Variants in LRRFIP1 observed in about 807,000 individuals in gnomAD.
LRRFIP1 encodes the protein leucine-rich repeat flightless-interacting protein 1.
In LRRFIP1, 62 loss-of-function variants were observed where a neutral mutation model predicts 104.4. The observed-to-expected ratio is 0.59, with a 90% CI of 0.48 to 0.73. LRRFIP1 has a LOEUF of 0.73. LRRFIP1 is among the 30% of genes least tolerant of loss of function. LRRFIP1 has a pLI of 0.00. For missense variants in LRRFIP1, 796 were observed against 824.5 expected (o/e 0.97, Z 0.42); for synonymous variants, 300 against 299.0 (o/e 1.00, Z -0.03).
intron 1 of LRRFIP1, among the ~76,000 whole-genome samples, chr2:237,627,980 G>T (rs1159160405): frequency 6.6e-6 from 1 of 151,074 alleles, no homozygotes; most frequent in African/African-American, 2.4e-5. Context: ...CCCAGCCCGC[G>T]ACGCTGCGCG....
At chr2:237,729,924 C>T in intron 8 of LRRFIP1, 1 of 609,324 alleles carries the variant, frequency 1.6e-6, no homozygotes, top group Non-Finnish European at 2.1e-6. Context: ...GTGGATTCAG[C>T]TCTACTTTTC....
In LRRFIP1 at chr2:237,779,729, GA is replaced by G; in HGVS notation, c.*198del. The G allele has an allele frequency of 2.0e-6, 1 of 509,566 alleles. No individual in the cohort carries two copies. Among genetic ancestry groups the G allele is most frequent in the Non-Finnish European group, 3.5e-6 (1 of 282,410 alleles). The allele number at this position is 509,566 out of a possible 1,614,324, so 31.6% of individuals were successfully genotyped here. ...CAGCCACCAGGTGCCTCTGTCTGCA[GA>G]CCCCTGGCCCGGGCTGGCGCCGACG... On this transcript the variant is annotated 3_prime_UTR_variant, in exon 24 of 24. Transcript: ENST00000308482.
At chr2:237,681,636 G>A (rs933056911) in intron 1 of LRRFIP1, among the ~76,000 whole-genome samples, 5 of 147,832 alleles carry the variant, frequency 3.4e-5, no homozygotes, top group Admixed American at 1.4e-4. Flanking sequence ...CAAAGTACTG[G>A]GATTACAGGT....
At chr2:237,671,796 GTGTGTGTGTGCCTGCA>G (rs950880554) in intron 1 of LRRFIP1, among the ~76,000 whole-genome samples, 3 of 150,778 alleles carry the variant, frequency 2.0e-5, no homozygotes, top group Admixed American at 6.6e-5. Flanking sequence ...GTGTGTGCAG[GTGTGTGTGTGCCTGCA>G]TGTGTGTGTG....
intron 1 of LRRFIP1, among the ~76,000 whole-genome samples, chr2:237,629,346 AAGGGCCAG>A (rs778293872): frequency 2.0e-5 from 3 of 152,202 alleles, no homozygotes; most frequent in Non-Finnish European, 2.9e-5. Flanking sequence ...TGTTCCCTGC[AAGGGCCAG>A]AGGTGGCCAG....
chr2:237,688,737 G>A (rs2092568628), intron 1 of LRRFIP1, among the ~76,000 whole-genome samples: 3 of 152,080 alleles, frequency 2.0e-5, no homozygotes, highest in Admixed American at 2.0e-4. Context: ...GGGATTACAG[G>A]TGTGGGTCAC....
intron 5 of LRRFIP1, among the ~76,000 whole-genome samples, chr2:237,719,853 A>G (rs2094474007): frequency 1.3e-5 from 2 of 151,850 alleles, no homozygotes; most frequent in Admixed American, 6.6e-5. Context: ...GCCATTGAAT[A>G]CCCATAAATA....
At chr2:237,681,000 A>T (rs1325020613) in intron 1 of LRRFIP1, among the ~76,000 whole-genome samples, 1 of 152,146 alleles carries the variant, frequency 6.6e-6, no homozygotes, top group Non-Finnish European at 1.5e-5. Flanking sequence ...AACAACAATG[A>T]CAAAAAGAAA....
At chr2:237,673,922 G>GCGT (rs3050964) in intron 1 of LRRFIP1, among the ~76,000 whole-genome samples, 121,741 of 151,708 alleles carry the variant, frequency 0.8, 49,060 homozygotes, top group African/African-American at 0.87. Context: ...TGTGCAGAGC[G>GCGT]CGTCTACAAA....
At position 237,766,282 on chromosome 2, in the gene LRRFIP1, G is replaced by C. The variant is rs2060248865; in HGVS notation, c.1460-3661G>C. Among the ~76,000 whole-genome samples, 1 of 152,240 alleles carries C rather than the reference G, an allele frequency of 6.6e-6. No homozygotes were observed. The highest frequency in any genetic ancestry group is 2.4e-5 in the African/African-American group (1 of 41,472). On this transcript the variant is annotated intron_variant, in intron 19 of 23. Transcript: ENST00000308482. The surrounding 1 kb of genome is among the most constrained non-coding windows in gnomAD (Gnocchi z 4.8). ...AAAAACCTTGACTGTTTCTGCTCAAGTGTCCTGAAGTAGAGGATGGTGGGG... is the reference window on the plus strand; with the variant it reads ...AAAAACCTTGACTGTTTCTGCTCAACTGTCCTGAAGTAGAGGATGGTGGGG...
intron 3 of LRRFIP1, among the ~76,000 whole-genome samples, chr2:237,716,967 A>G (rs927076400): frequency 1.3e-5 from 2 of 152,256 alleles, no homozygotes; most frequent in Non-Finnish European, 2.9e-5. Context: ...CTATGAATGC[A>G]GCTGAACACA....
At chr2:237,692,340 G>T (rs2092855119) in intron 1 of LRRFIP1, 21 of 1,256,492 alleles carry the variant, frequency 1.7e-5, no homozygotes, top group Admixed American at 4.3e-5. Flanking sequence ...TTCACTTAGC[G>T]GCGAGTGGCT....
At chr2:237,663,427 T>TCC (rs1559494866) in intron 1 of LRRFIP1, among the ~76,000 whole-genome samples, 13 of 50,002 alleles carry the variant, frequency 2.6e-4, no homozygotes, top group African/African-American at 5.6e-4. Context: ...GGGGAGTTCT[T>TCC]TCCCCCCCCA....
Position 237,685,108 on chromosome 2 carries a change from T to A in LRRFIP1, c.97-23436T>A, listed in dbSNP as rs111740585. Among the ~76,000 whole-genome samples the A allele has an allele frequency of 8.8e-4, 10 of 11,374 alleles. 1 individual carries two copies. The highest frequency in any genetic ancestry group is 4.1e-3 in the East Asian group (1 of 246). The allele number at this position is 11,374 out of a possible 152,430, so 7.5% of individuals were successfully genotyped here. A position where few individuals can be genotyped will look rare whatever the true frequency, so the allele number is the denominator to read the frequency against. On this transcript the variant is annotated intron_variant, in intron 1 of 23. Coordinates refer to ENST00000308482, the MANE Select transcript of LRRFIP1 (RefSeq NM_001137550.2). ...AGTGTGAGACCTTGTCTCCCTACCC[T>A]CCCCCCCCCACACAAAAAAACCCCA...
intron 2 of LRRFIP1, among the ~76,000 whole-genome samples, chr2:237,709,676 C>T (rs772392385): frequency 2.3e-4 from 35 of 152,128 alleles, no homozygotes; most frequent in Non-Finnish European, 4.4e-4. Context: ...GTGCTCATTG[C>T]CCTCCGCTGC....
intron 1 of LRRFIP1, among the ~76,000 whole-genome samples, chr2:237,680,311 G>T (rs1415893554): frequency 6.6e-6 from 1 of 152,214 alleles, no homozygotes; most frequent in Non-Finnish European, 1.5e-5. Context: ...GGTCAACACA[G>T]TGAGGCCCCA....
At chr2:237,704,169 T>C (rs1319479912) in intron 1 of LRRFIP1, among the ~76,000 whole-genome samples, 4 of 147,362 alleles carry the variant, frequency 2.7e-5, no homozygotes, top group African/African-American at 1.1e-4. Flanking sequence ...TTTTTTTTTT[T>C]CAAGGCAGAG....
chr2:237,704,112 G>A (rs1315070417), intron 1 of LRRFIP1, among the ~76,000 whole-genome samples: 1 of 149,736 alleles, frequency 6.7e-6, no homozygotes, highest in African/African-American at 2.5e-5. Flanking sequence ...TCTTCGCAGT[G>A]TCTCTGGGGA....
intron 19 of LRRFIP1, among the ~76,000 whole-genome samples, chr2:237,761,028 C>T (rs1202152374): frequency 2.0e-5 from 3 of 152,194 alleles, no homozygotes; most frequent in African/African-American, 7.2e-5. Flanking sequence ...TCACCCTCTG[C>T]GTTCCAGTGT....
Sources: gnomAD v4.1 joint callset for allele counts (sites outside exome capture counted in the v4.1 genomes callset) on GRCh38, gnomAD v4.1.1 for gene constraint, Gnocchi (gnomAD v3.1) non-coding constraint, MANE v1.5 for transcripts, NCBI Gene and HGNC (gene_info 2026-07-23, HGNC 2026-07-21) for gene names.